The following GRIA4 variants were observed in gnomAD, a reference collection of about 807,000 sequenced individuals.
The protein encoded by GRIA4 is glutamate ionotropic receptor AMPA type subunit 4.
GRIA4 carries 34 observed loss-of-function variants against 104.0 expected under a neutral mutation model. The observed-to-expected ratio is 0.33, with a 90% CI of 0.25 to 0.44. The LOEUF is 0.44. GRIA4 is among the 20% of genes least tolerant of loss of function. GRIA4 has a pLI of 1.00. For missense variants in GRIA4, 750 were observed against 1,096.5 expected (o/e 0.68, Z 4.46); for synonymous variants, 386 against 381.9 (o/e 1.01, Z -0.13).
At chr11:105,637,825 A>G (rs1951247931) in intron 3 of GRIA4, among the ~76,000 whole-genome samples, 1 of 152,202 alleles carries the variant, frequency 6.6e-6, no homozygotes, top group African/African-American at 2.4e-5. Context: ...CAATTTGAAC[A>G]TAAAGATTCT....
At chr11:105,776,729 T>C (rs1662443414) in intron 4 of GRIA4, among the ~76,000 whole-genome samples, 1 of 152,122 alleles carries the variant, frequency 6.6e-6, no homozygotes, top group African/African-American at 2.4e-5. Flanking sequence ...GCATTTAGTG[T>C]TGCATCTCTC....
At chr11:105,855,857 T>A (rs1213123521) in intron 4 of GRIA4, among the ~76,000 whole-genome samples, 2 of 152,092 alleles carry the variant, frequency 1.3e-5, no homozygotes, top group Non-Finnish European at 2.9e-5. Flanking sequence ...TTATACTACT[T>A]TGGGTGATGA....
chr11:105,701,759 CAGA>C (rs1335134168), intron 3 of GRIA4, among the ~76,000 whole-genome samples: 1 of 152,034 alleles, frequency 6.6e-6, no homozygotes, highest in Non-Finnish European at 1.5e-5. Flanking sequence ...CCAGAAAATG[CAGA>C]AGAACAAATG....
At chr11:105,758,025 C>T (rs746351445) in intron 4 of GRIA4, among the ~76,000 whole-genome samples, 3 of 152,092 alleles carry the variant, frequency 2.0e-5, no homozygotes, top group African/African-American at 4.8e-5. Context: ...GGGAGGATCA[C>T]TCAAGGCCAG....
At chr11:105,974,586 G>T (rs369354479) in intron 16 of GRIA4, 142 bp downstream of exon 16, 2 of 1,600,486 alleles carry the variant, frequency 1.2e-6, no homozygotes, top group East Asian at 2.2e-5. Flanking sequence ...TACAGTGAGT[G>T]GGGGATGCAT....
At position 105,612,368 on chromosome 11, in the gene GRIA4, C is replaced by G; in HGVS notation, c.181C>G (p.Pro61Ala). The G allele has an allele frequency of 6.2e-7, 1 of 1,614,114 alleles. No individual in the cohort carries two copies. The highest frequency in any genetic ancestry group is 8.5e-7 in the Non-Finnish European group (1 of 1,179,966). Residue 61 changes from proline to alanine, a missense_variant, in exon 3 of 17, where the codon CCT becomes GCT. Pro to Ala is a conservative substitution (Grantham distance 27). Coordinates refer to ENST00000282499, the MANE Select transcript of GRIA4 (RefSeq NM_000829.4). ...CACCAGCCCCAATGCGTCGGAAGCTCCTTTTAATTTGGTACCTCATGTGGA... is the reference window on the plus strand; with the variant it reads ...CACCAGCCCCAATGCGTCGGAAGCTGCTTTTAATTTGGTACCTCATGTGGA... ...HNTSPNASEAPFNLVPHVDNI... is the reference protein window; with the variant it reads ...HNTSPNASEAAFNLVPHVDNI...
rs548747212 is a variant in GRIA4 at position 105,804,535 on chromosome 11, C to T, written c.487+51315C>T. ...TCTAGTTAAGTTGTATACTCCTGCA[C>T]AGAAAAATGACAGTAGACATAAGGC... is the stretch of plus-strand genomic sequence containing the variant. On this transcript the variant is annotated intron_variant, in intron 4 of 16. Coordinates refer to ENST00000282499, the MANE Select transcript of GRIA4 (RefSeq NM_000829.4). Among the ~76,000 whole-genome samples, 5 of 151,744 alleles carry T rather than the reference C, an allele frequency of 3.3e-5. No individual in the cohort carries two copies. In the East Asian group the frequency reaches 9.7e-4, roughly 29 times the overall value.
At chr11:105,667,350 C>G (rs1239385879) in intron 3 of GRIA4, among the ~76,000 whole-genome samples, 1 of 151,684 alleles carries the variant, frequency 6.6e-6, no homozygotes, top group African/African-American at 2.4e-5. Context: ...TTAAAAGGCC[C>G]AAAGGGAGAT....
chr11:105,648,727 C>T (rs918321758), intron 3 of GRIA4, among the ~76,000 whole-genome samples: 1 of 152,180 alleles, frequency 6.6e-6, no homozygotes, highest in South Asian at 2.1e-4. Context: ...CCACTATTCT[C>T]AGCATTTGGC....
intron 1 of GRIA4, 142 bp from the exon 2 acceptor site, chr11:105,610,766 T>C: frequency 5.9e-6 from 3 of 504,550 alleles, no homozygotes; most frequent in South Asian, 4.9e-5. Context: ...CTATGGAGAC[T>C]GCGGGAAAAA....
In GRIA4 at chr11:105,980,597, G is replaced by C. The variant is rs1193864021; in HGVS notation, c.*858G>C. On this transcript the variant is annotated 3_prime_UTR_variant, in exon 17 of 17. Coordinates refer to ENST00000282499, the MANE Select transcript of GRIA4 (RefSeq NM_000829.4). The stretch of plus-strand genomic sequence containing the variant: ...AATCATCAGTCTGCGGTGTAGACTC[G>C]AAAGAGATGACAGGTCACTCATGTT... 1 of 150,390 alleles carries C rather than the reference G, an allele frequency of 6.6e-6. No individual in the cohort carries two copies. Among genetic ancestry groups the C allele is most frequent in the South Asian group, 2.1e-4 (1 of 4,696 alleles). The allele number at this position is 150,390 out of a possible 1,614,324, so 9.3% of individuals were successfully genotyped here.
At chr11:105,975,574 C>T (rs1183045826) in intron 16 of GRIA4, among the ~76,000 whole-genome samples, 1 of 152,022 alleles carries the variant, frequency 6.6e-6, no homozygotes, top group Non-Finnish European at 1.5e-5. Flanking sequence ...AAAATCAGGA[C>T]TCTAAAACCC....
At chr11:105,634,145 A>G (rs1189381668) in intron 3 of GRIA4, among the ~76,000 whole-genome samples, 1 of 151,966 alleles carries the variant, frequency 6.6e-6, no homozygotes, top group Non-Finnish European at 1.5e-5. Flanking sequence ...TCAGGAGTTC[A>G]GGACAAGCCT....
chr11:105,967,922 T>C (rs906094177), intron 14 of GRIA4, among the ~76,000 whole-genome samples: 1 of 152,238 alleles, frequency 6.6e-6, no homozygotes, highest in Non-Finnish European at 1.5e-5. Flanking sequence ...TGATTTTCTT[T>C]GTAAACTTAC....
At chr11:105,943,477 T>A (rs1181453142) in intron 14 of GRIA4, among the ~76,000 whole-genome samples, 1 of 152,102 alleles carries the variant, frequency 6.6e-6, no homozygotes, top group Non-Finnish European at 1.5e-5. Context: ...TAAAAATTGA[T>A]CCACATAATG....
At chr11:105,667,578 C>T (rs1394069111) in intron 3 of GRIA4, among the ~76,000 whole-genome samples, 2 of 151,968 alleles carry the variant, frequency 1.3e-5, no homozygotes, top group African/African-American at 4.8e-5. Context: ...TTTTCAAATA[C>T]AAGAGGATTC....
intron 3 of GRIA4, among the ~76,000 whole-genome samples, chr11:105,695,244 A>G (rs1953227224): frequency 6.6e-6 from 1 of 151,910 alleles, no homozygotes; most frequent in South Asian, 2.1e-4. Context: ...GTTGGTTTTG[A>G]TCTATTTTGG....
intron 4 of GRIA4, among the ~76,000 whole-genome samples, chr11:105,851,523 C>A (rs1458649654): frequency 6.6e-6 from 1 of 152,072 alleles, no homozygotes; most frequent in East Asian, 1.9e-4. Context: ...AGACAACAAC[C>A]CCACATGGAT....
At chr11:105,811,650 T>A (rs1943177377) in intron 4 of GRIA4, among the ~76,000 whole-genome samples, 1 of 152,218 alleles carries the variant, frequency 6.6e-6, no homozygotes, top group Non-Finnish European at 1.5e-5. Flanking sequence ...AAATTTCAGA[T>A]AAACAATGCA....
Sources: allele counts gnomAD v4.1 joint callset (sites outside exome capture counted in the v4.1 genomes callset), GRCh38; gene constraint gnomAD v4.1.1; transcripts MANE v1.5; gene names NCBI Gene and HGNC (gene_info 2026-07-23, HGNC 2026-07-21).